The following ZEB2 variants were observed in gnomAD, a reference collection of about 807,000 sequenced individuals.
ZEB2 encodes the protein zinc finger E-box-binding homeobox 2.
A neutral mutation model predicts 99.9 loss-of-function variants in ZEB2; 6 were observed. The ratio of observed to expected loss-of-function variants is 0.06; its 90% CI spans 0.03 to 0.12. ZEB2 has a LOEUF of 0.12. Ranked by LOEUF, ZEB2 falls within the 10% of genes least tolerant of loss-of-function variation. The probability of loss-of-function intolerance (pLI) is 1.00; values close to 1 mark genes in which losing one functional copy is unlikely to be tolerated. For missense variants in ZEB2, 969 were observed against 1,502.8 expected, an observed-to-expected ratio of 0.64 and a Z score of 5.87; for synonymous variants, 517 against 542.5, an observed-to-expected ratio of 0.95 and a Z score of 0.65.
At chr2:144,459,180 A>G (rs1441747918) in intron 2 of ZEB2, among the ~76,000 whole-genome samples, 1 of 152,100 alleles carries the variant, frequency 6.6e-6, no homozygotes, top group Non-Finnish European at 1.5e-5. Context: ...GCTACTGGAG[A>G]TCTTAGAGGA....
chr2:144,486,433 T>C (rs957742983), intron 2 of ZEB2, among the ~76,000 whole-genome samples: 3 of 151,760 alleles, frequency 2.0e-5, no homozygotes, highest in African/African-American at 4.8e-5. Context: ...AATAAAAGAA[T>C]GGTCATTCAA....
intron 2 of ZEB2, among the ~76,000 whole-genome samples, chr2:144,510,471 G>A (rs1705016462): frequency 6.6e-6 from 1 of 152,146 alleles, no homozygotes; most frequent in South Asian, 2.1e-4. Context: ...AATCTAACAG[G>A]CTTCTGGGGG....
chr2:144,455,689 G>T (rs1704112678), intron 2 of ZEB2, among the ~76,000 whole-genome samples: 1 of 152,074 alleles, frequency 6.6e-6, no homozygotes, highest in Non-Finnish European at 1.5e-5. Context: ...TCTCTGTTAG[G>T]TTTATAATTT....
intron 2 of ZEB2, chr2:144,497,893 ATGT>A (rs1400689818): frequency 7.5e-5 from 5 of 66,906 alleles, no homozygotes; most frequent in East Asian, 7.5e-4. Flanking sequence ...ATATATATAT[ATGT>A]CATTCTCAAC....
chr2:144,480,339 C>T (rs1408874760), intron 2 of ZEB2, among the ~76,000 whole-genome samples: 2 of 152,094 alleles, frequency 1.3e-5, no homozygotes, highest in Non-Finnish European at 2.9e-5. Context: ...GTAATATGCT[C>T]TTTCATCATC....
intron 2 of ZEB2, among the ~76,000 whole-genome samples, chr2:144,507,136 T>C (rs1219822617): frequency 1.3e-5 from 2 of 152,220 alleles, no homozygotes; most frequent in Admixed American, 1.3e-4. Flanking sequence ...CATCTTCTTT[T>C]ACACAGGATT....
chr2:144,423,767 T>C (rs1703652093), intron 4 of ZEB2, among the ~76,000 whole-genome samples: 4 of 152,222 alleles, frequency 2.6e-5, no homozygotes, highest in African/African-American at 9.6e-5. Context: ...TTTTAAGTTA[T>C]TAATAAGCAC....
rs569618558 is a variant in ZEB2 at position 144,425,451 on chromosome 2, C to A, written c.332-584G>T. ...CACTGCTTGATACAAACTTCTAAAACGTACCTGCCTTATTCCTATCCCAAC... is the reference window on the plus strand; with the variant it reads ...CACTGCTTGATACAAACTTCTAAAAAGTACCTGCCTTATTCCTATCCCAAC... On this transcript the variant is annotated intron_variant, in intron 3 of 9. Coordinates refer to ENST00000627532, the MANE Select transcript of ZEB2 (RefSeq NM_014795.4). 2.0e-5 allele frequency among the ~76,000 whole-genome samples: 3 copies of A among 152,270 alleles called. No homozygotes were observed. The East Asian group carries it at 5.8e-4, about 29-fold the overall frequency.
rs1481872034 is a variant in ZEB2 at position 144,387,604 on chromosome 2, G to T, written c.*1847C>A. On this transcript the variant is annotated 3_prime_UTR_variant, in exon 10 of 10. Transcript: ENST00000627532. Reference sequence around the variant, plus strand: ...AAACTATCCCAATCCTTTAAAAAAGGTTACATATTATAAATAACACTGAAT... The same window carrying T: ...AAACTATCCCAATCCTTTAAAAAAGTTTACATATTATAAATAACACTGAAT... 6.6e-6 allele frequency: 1 copy of T among 152,104 alleles called. No individual in the cohort carries two copies. The highest frequency in any genetic ancestry group is 1.5e-5 in the Non-Finnish European group (1 of 68,008). 9.4% of individuals were successfully genotyped at this position (152,104 alleles called of 1,614,324 possible). A position where few individuals can be genotyped will look rare whatever the true frequency, so the allele number is the denominator to read the frequency against.
chr2:144,404,025 C>T lies in ZEB2; in HGVS notation c.698G>A (p.Arg233His). 1.9e-6 allele frequency: 3 copies of T among 1,614,096 alleles called. No homozygotes were observed. Among genetic ancestry groups the T allele is most frequent in the South Asian group, 1.1e-5 (1 of 91,068 alleles). ...AAAGTTCTCTTCATTCTTCTCGTGG[C>T]GGTACTTGATGTGCTCCTTCAGTGA... ...LTSLKEHIKY[R>H]HEKNEENFSC... Residue 233 changes from arginine (R) to histidine (H), a missense_variant, in exon 6 of 10, where the codon CGC (arginine) becomes CAC (histidine). Coordinates refer to ENST00000627532, the MANE Select transcript of ZEB2 (RefSeq NM_014795.4).
rs150665982 is a variant in ZEB2, at chr2:144,429,805, T to C, written c.295A>G (p.Asn99Asp). 6.8e-6 allele frequency: 11 copies of C among 1,613,804 alleles called. No homozygotes were observed. In the African/African-American group the frequency reaches 1.5e-4, roughly 22 times the overall value. Residue 99 changes from asparagine to aspartate, a missense_variant, in exon 3 of 10, where the codon AAC becomes GAC. This residue lies in a region of ZEB2 where 173 missense variants were observed against 217.7 expected (regional missense o/e 0.79). Transcript: ENST00000627532. ...REGGVEHPWH[N>D]NEILQASVDG... ...ACAGAGGCTTGTAGAATCTCGTTGT[T>C]GTGCCAGGGGTGTTCCACTCCACCC...
chr2:144,449,270 G>C (rs759310893), intron 2 of ZEB2, among the ~76,000 whole-genome samples: 2 of 152,184 alleles, frequency 1.3e-5, no homozygotes, highest in Admixed American at 6.5e-5. Flanking sequence ...AGTAGAATCT[G>C]AACACAGAAG....
intron 9 of ZEB2, among the ~76,000 whole-genome samples, chr2:144,396,035 T>C (rs1477558633): frequency 6.6e-6 from 1 of 152,214 alleles, no homozygotes; most frequent in Non-Finnish European, 1.5e-5. Flanking sequence ...TATTACTGTC[T>C]GAATTTCTTA....
intron 2 of ZEB2, among the ~76,000 whole-genome samples, chr2:144,492,865 C>T (rs543793617): frequency 2.6e-5 from 4 of 152,282 alleles, no homozygotes; most frequent in East Asian, 1.9e-4. Flanking sequence ...TTAATATACC[C>T]GCTGTATTCA....
At chr2:144,442,214 G>GA (rs1167818470) in intron 2 of ZEB2, among the ~76,000 whole-genome samples, 1 of 152,092 alleles carries the variant, frequency 6.6e-6, no homozygotes, top group Non-Finnish European at 1.5e-5. Context: ...TATTATGGTG[G>GA]AAAATCACAG....
At chr2:144,467,100 T>G (rs905321719) in intron 2 of ZEB2, among the ~76,000 whole-genome samples, 1 of 152,132 alleles carries the variant, frequency 6.6e-6, no homozygotes, top group Non-Finnish European at 1.5e-5. Context: ...GATTTTGGTT[T>G]TCTATGGAAC....
In ZEB2 at chr2:144,398,507, A is replaced by G. The variant is rs1157107907; in HGVS notation, c.2680T>C (p.Leu894=). The part of the protein sequence containing the change: ...FSMNPFSAKP[L]YTALPPQSAF... ...CTTTGAGGTGGAAGAGCTGTGTATAAAGGTTTGGCACTAAATGGGTTCATG... is the reference window on the plus strand; with the variant it reads ...CTTTGAGGTGGAAGAGCTGTGTATAGAGGTTTGGCACTAAATGGGTTCATG... The change falls in exon 8 of 10, where the codon TTA becomes CTA. Residue 894 remains leucine, a synonymous_variant. Coordinates refer to ENST00000627532, the MANE Select transcript of ZEB2 (RefSeq NM_014795.4). The G allele has an allele frequency of 6.2e-7, 1 of 1,614,024 alleles. No individual in the cohort carries two copies. The highest frequency in any genetic ancestry group is 1.7e-5 in the Admixed American group (1 of 60,028).
chr2:144,423,185 T>C (rs1186471177), intron 4 of ZEB2, among the ~76,000 whole-genome samples: 1 of 152,220 alleles, frequency 6.6e-6, no homozygotes, highest in Non-Finnish European at 1.5e-5. Context: ...CTTTAAACTC[T>C]AGGTGTATAC....
intron 2 of ZEB2, chr2:144,513,943 T>C: frequency 1.4e-6 from 2 of 1,446,278 alleles, no homozygotes; most frequent in Non-Finnish European, 1.8e-6. Flanking sequence ...CCGACACACA[T>C]TCTTGTCTGC....
Sources: allele counts gnomAD v4.1 joint callset (sites outside exome capture counted in the v4.1 genomes callset), GRCh38; gene constraint gnomAD v4.1.1; regional missense constraint gnomAD v4.1.1; transcripts MANE v1.5; gene names NCBI Gene and HGNC (gene_info 2026-07-23, HGNC 2026-07-21).